Variants in METTL16 observed in about 807,000 individuals in gnomAD.
The protein encoded by METTL16 is RNA N(6)-adenosine-methyltransferase METTL16.
Under a neutral mutation model 57.9 loss-of-function variants are expected in METTL16, and 19 were observed. That is an observed-to-expected ratio of 0.33 (90% confidence interval 0.23 to 0.48). The LOEUF is 0.48. Among genes scored for constraint, METTL16 ranks in the 20% least tolerant of loss-of-function variants. METTL16 has a pLI of 0.99. For missense variants in METTL16, 434 were observed against 691.5 expected, an observed-to-expected ratio of 0.63 and a Z score of 4.18; for synonymous variants, 246 against 255.6, an observed-to-expected ratio of 0.96 and a Z score of 0.36.
Position 2,467,868 on chromosome 17 carries a change from C to CT in METTL16, c.477dup (p.Val160SerfsTer12). 1 of 1,611,012 alleles carries CT rather than the reference C, an allele frequency of 6.2e-7. No homozygotes were observed. Among genetic ancestry groups the CT allele is most frequent in the Non-Finnish European group, 8.5e-7 (1 of 1,177,176 alleles). ...TCCATCAGGAGTGTCTTCTGTGGCA[C>CT]TTTCACCACTAGGAGAAAAAACAGG... On this transcript the variant is annotated frameshift_variant, in exon 5 of 10. Transcript: ENST00000263092. LOFTEE classifies it high-confidence loss of function.
chr17:2,490,410 A>G (rs1430024438), intron 2 of METTL16, among the ~76,000 whole-genome samples: 2 of 152,326 alleles, frequency 1.3e-5, no homozygotes, highest in African/African-American at 4.8e-5. Context: ...AAGACGACGA[A>G]TGATTGTATG....
At chr17:2,495,688 C>A (rs2067439404) in intron 2 of METTL16, among the ~76,000 whole-genome samples, 1 of 95,348 alleles carries the variant, frequency 1.0e-5, no homozygotes, top group Non-Finnish European at 2.2e-5. Context: ...GAGAAAGACT[C>A]TGTCTCAAAA....
intron 1 of METTL16, among the ~76,000 whole-genome samples, chr17:2,505,904 A>G (rs1296210605): frequency 2.0e-5 from 3 of 151,962 alleles, no homozygotes; most frequent in South Asian, 4.2e-4. Flanking sequence ...TCTTTTCACC[A>G]TCAGTTTAAG....
Position 2,423,261 on chromosome 17 carries a change from G to GGTGTGTGTGTGTGTGT in METTL16, c.889-2373_889-2358dup, listed in dbSNP as rs58486923. Among the ~76,000 whole-genome samples the GGTGTGTGTGTGTGTGT allele has an allele frequency of 9.6e-4, 138 of 143,700 alleles. 1 individual carries two copies. Among genetic ancestry groups the GGTGTGTGTGTGTGTGT allele is most frequent in the East Asian group, 3.6e-3 (17 of 4,740 alleles). The allele number at this position is 143,700 out of a possible 152,430, so 94.3% of individuals were successfully genotyped here. A position where few individuals can be genotyped will look rare whatever the true frequency, so the allele number is the denominator to read the frequency against. On this transcript the variant is annotated intron_variant, in intron 8 of 9. Transcript: ENST00000263092. ...TGTTAGGGAAGGATAAAAAACAAAG[G>GGTGTGTGTGTGTGTGT]GTGTGTGTGTGTGTGTGTGTGTGTG...
chr17:2,467,471 G>A (rs1408580416), intron 5 of METTL16, among the ~76,000 whole-genome samples: 1 of 152,136 alleles, frequency 6.6e-6, no homozygotes, highest in African/African-American at 2.4e-5. Flanking sequence ...TGTAGCCCAG[G>A]CTGGAGTGCA....
Position 2,420,641 on chromosome 17 carries a change from C to T in METTL16, c.1063-45G>A. The T allele has an allele frequency of 6.4e-7, 1 of 1,570,420 alleles. No individual in the cohort carries two copies. Among genetic ancestry groups the T allele is most frequent in the Non-Finnish European group, 8.6e-7 (1 of 1,164,584 alleles). ...AATTTTGTGGGAAATCACGTTTCCC[C>T]TCTCTCCAAACTCTCAATAAAAAAA... On this transcript the variant is annotated intron_variant, in intron 9 of 9. Coordinates refer to ENST00000263092, the MANE Select transcript of METTL16 (RefSeq NM_024086.4). This position sits in a 1 kb window ranked among gnomAD's most constrained non-coding sequence, Gnocchi z 5.4.
In METTL16 at chr17:2,424,698, C is replaced by T. The variant is rs553906753; in HGVS notation, c.889-3794G>A. 2.0e-5 allele frequency among the ~76,000 whole-genome samples: 3 copies of T among 152,172 alleles called. No homozygotes were observed. In the East Asian group the frequency reaches 5.9e-4, roughly 30 times the overall value. ...GCGCAGTGGCTCACGCCTGTAATCC[C>T]AGCATTTTGGGAGGCTGAGGTGGGT... On this transcript the variant is annotated intron_variant, in intron 8 of 9. Transcript: ENST00000263092.
At chr17:2,506,806 T>C (rs2067540879) in intron 1 of METTL16, among the ~76,000 whole-genome samples, 1 of 144,754 alleles carries the variant, frequency 6.9e-6, no homozygotes, top group Non-Finnish European at 1.5e-5. Flanking sequence ...GTGAGGAGCG[T>C]CTCTGCCCGG....
chr17:2,506,679 C>T (rs1048535654), intron 1 of METTL16, among the ~76,000 whole-genome samples: 5 of 152,146 alleles, frequency 3.3e-5, no homozygotes, highest in African/African-American at 9.7e-5. Context: ...CGCAAAGTGC[C>T]GAGATTGCAG....
intron 6 of METTL16, among the ~76,000 whole-genome samples, chr17:2,447,555 T>G (rs62067059): frequency 1.0e-5 from 1 of 96,362 alleles, no homozygotes; most frequent in Non-Finnish European, 1.9e-5. Context: ...GCCTGGCCAG[T>G]CGCCCCGTCC....
intron 8 of METTL16, among the ~76,000 whole-genome samples, chr17:2,422,775 G>A (rs1359314827): frequency 6.6e-6 from 1 of 152,100 alleles, no homozygotes; most frequent in Non-Finnish European, 1.5e-5. Context: ...ATTGAGCTCA[G>A]GAGTTTGAGA....
chr17:2,455,532 A>G (rs1215680826), intron 6 of METTL16, among the ~76,000 whole-genome samples: 2 of 152,124 alleles, frequency 1.3e-5, no homozygotes, highest in Non-Finnish European at 2.9e-5. Context: ...CAGCTAGCTC[A>G]CCGTGGCGCA....
At chr17:2,448,818 A>AAAT in intron 6 of METTL16, among the ~76,000 whole-genome samples, 1 of 137,900 alleles carries the variant, frequency 7.3e-6, no homozygotes, top group African/African-American at 2.9e-5. Flanking sequence ...AAAAAAAAAA[A>AAAT]AAAAAAAAGA....
chr17:2,448,822 A>T (rs1473272769), intron 6 of METTL16, among the ~76,000 whole-genome samples: 1 of 142,542 alleles, frequency 7.0e-6, no homozygotes, highest in Non-Finnish European at 1.5e-5. Flanking sequence ...AAAAAAAAAA[A>T]AAAAGAGCAT....
chr17:2,491,711 T>C (rs1486093395), intron 2 of METTL16, among the ~76,000 whole-genome samples: 1 of 148,552 alleles, frequency 6.7e-6, no homozygotes, highest in Non-Finnish European at 1.5e-5. Flanking sequence ...CCGTCTCTAT[T>C]AAAAATACAA....
intron 6 of METTL16, 117 bp downstream of exon 6, chr17:2,464,091 C>G: frequency 1.8e-6 from 2 of 1,124,126 alleles, no homozygotes; most frequent in Non-Finnish European, 2.5e-6. Flanking sequence ...CCACTGCACT[C>G]CAGCCTGGCA....
intron 4 of METTL16, among the ~76,000 whole-genome samples, chr17:2,471,069 C>A (rs916879686): frequency 1.3e-5 from 2 of 152,172 alleles, no homozygotes; most frequent in Non-Finnish European, 2.9e-5. Context: ...ACTGGCACAT[C>A]ACTTGGACAT....
At chr17:2,459,324 A>G (rs1017946477) in intron 6 of METTL16, among the ~76,000 whole-genome samples, 1 of 152,194 alleles carries the variant, frequency 6.6e-6, no homozygotes, top group African/African-American at 2.4e-5. Flanking sequence ...CAGTCTGTAA[A>G]CCAAGAGGTT....
At chr17:2,447,693 C>T (rs2067016159) in intron 6 of METTL16, among the ~76,000 whole-genome samples, 14 of 139,354 alleles carry the variant, frequency 1.0e-4, no homozygotes, top group African/African-American at 1.7e-4. Context: ...CCGCCCCGTC[C>T]GGGAGGGGGG....
Sources: gnomAD v4.1 joint callset for allele counts (sites outside exome capture counted in the v4.1 genomes callset) on GRCh38, gnomAD v4.1.1 for gene constraint, Gnocchi (gnomAD v3.1) non-coding constraint, MANE v1.5 for transcripts, NCBI Gene and HGNC (gene_info 2026-07-23, HGNC 2026-07-21) for gene names.